The following MCOLN2 variants were observed in gnomAD, a reference collection of about 807,000 sequenced individuals.
The protein encoded by MCOLN2 is mucolipin-2.
A neutral mutation model predicts 67.5 loss-of-function variants in MCOLN2; 57 were observed. The observed-to-expected ratio is 0.84, with a 90% CI of 0.68 to 1.05. MCOLN2 has a LOEUF of 1.05. Among genes scored for constraint, MCOLN2 ranks in the 50% least tolerant of loss-of-function variants. The probability of loss-of-function intolerance (pLI) is 0.00; values close to 1 mark genes in which losing one functional copy is unlikely to be tolerated. For synonymous variants in MCOLN2, 246 were observed against 233.3 expected (o/e 1.05, Z -0.50); for missense variants, 620 against 678.8 (o/e 0.91, Z 0.96).
chr1:84,939,091 G>A (rs914012143), intron 9 of MCOLN2, among the ~76,000 whole-genome samples: 17 of 152,220 alleles, frequency 1.1e-4, no homozygotes, highest in South Asian at 8.3e-4. Context: ...AGAATAGTGC[G>A]GTGAAGGAGG....
intron 2 of MCOLN2, among the ~76,000 whole-genome samples, chr1:84,961,123 T>C (rs1430427524): frequency 6.6e-6 from 1 of 152,148 alleles, no homozygotes; most frequent in African/African-American, 2.4e-5. Flanking sequence ...TTGATACATA[T>C]GCAATCTGAA....
intron 1 of MCOLN2, among the ~76,000 whole-genome samples, chr1:84,987,740 A>C (rs1193671146): frequency 6.7e-6 from 1 of 149,292 alleles, no homozygotes; most frequent in African/African-American, 2.5e-5. Context: ...TCAGCTATAA[A>C]AAGGAACAAA....
chr1:84,930,631 T>A (rs1381773674), intron 12 of MCOLN2, among the ~76,000 whole-genome samples: 4 of 152,144 alleles, frequency 2.6e-5, no homozygotes, highest in Non-Finnish European at 5.9e-5. Context: ...CTTACTTATC[T>A]TCCCACACAC....
chr1:84,964,956 C>T (rs898298385), intron 2 of MCOLN2, among the ~76,000 whole-genome samples: 7 of 152,122 alleles, frequency 4.6e-5, no homozygotes, highest in African/African-American at 1.7e-4. Flanking sequence ...GTCCGTGGCC[C>T]AGGGGTTAGG....
chr1:84,958,321 A>G (rs1648899060), intron 3 of MCOLN2, among the ~76,000 whole-genome samples: 1 of 152,258 alleles, frequency 6.6e-6, no homozygotes, highest in African/African-American at 2.4e-5. Flanking sequence ...TGATAAATTA[A>G]AAAGATAAAT....
intron 4 of MCOLN2, 35 bp downstream of exon 4, chr1:84,956,396 G>A (rs376766858): frequency 1.9e-5 from 30 of 1,594,468 alleles, no homozygotes; most frequent in African/African-American, 9.5e-5. Flanking sequence ...ACCAGAAGAC[G>A]ATAAAGGTAC....
intron 1 of MCOLN2, among the ~76,000 whole-genome samples, chr1:84,973,585 C>A (rs74689037): frequency 6.6e-6 from 1 of 151,896 alleles, no homozygotes; most frequent in Non-Finnish European, 1.5e-5. Flanking sequence ...CATGGTGGTA[C>A]CCCCATTGAT....
At chr1:84,951,340 G>T (rs1029455318) in intron 6 of MCOLN2, among the ~76,000 whole-genome samples, 6 of 152,150 alleles carry the variant, frequency 3.9e-5, no homozygotes, top group African/African-American at 1.4e-4. Flanking sequence ...TAGGCATTCA[G>T]TTTAGTCCCT....
chr1:84,932,031 C>A (rs79491168), intron 11 of MCOLN2, among the ~76,000 whole-genome samples: 1 of 86,532 alleles, frequency 1.2e-5, no homozygotes, highest in Non-Finnish European at 2.4e-5. Context: ...CTCTTTAAAA[C>A]ACACACACAC....
intron 2 of MCOLN2, among the ~76,000 whole-genome samples, chr1:84,962,125 A>G (rs1649119003): frequency 6.6e-6 from 1 of 152,256 alleles, no homozygotes; most frequent in Admixed American, 6.5e-5. Context: ...TCACCCAAAT[A>G]GCAAAATTTG....
chr1:84,969,473 A>G (rs1354665721), intron 1 of MCOLN2, among the ~76,000 whole-genome samples: 38 of 151,656 alleles, frequency 2.5e-4, no homozygotes, highest in Admixed American at 2.5e-3. Context: ...TCGGAGGCTG[A>G]GGCAAGAGAA....
chr1:84,961,210 G>A (rs1226920804), intron 2 of MCOLN2, among the ~76,000 whole-genome samples: 1 of 152,152 alleles, frequency 6.6e-6, no homozygotes, highest in African/African-American at 2.4e-5. Context: ...ATTGATTCTA[G>A]AGTCTGTTTG....
At chr1:84,977,070 AAAC>A (rs1206008451) in intron 1 of MCOLN2, among the ~76,000 whole-genome samples, 2 of 152,222 alleles carry the variant, frequency 1.3e-5, no homozygotes, top group Non-Finnish European at 2.9e-5. Flanking sequence ...AATAAGATAT[AAAC>A]AACAAAAAGT....
At position 84,938,092 on chromosome 1, in the gene MCOLN2, G is replaced by T; in HGVS notation, c.1111-10C>A. On this transcript the variant is annotated splice_polypyrimidine_tract_variant and intron_variant, in intron 9 of 13. Transcript: ENST00000370608. ...CATAGTTTGTGAGATTCTAAGGAAT[G>T]AAAAAAAAGAAAGAGAGAAATGAGT... The T allele has an allele frequency of 1.3e-6, 2 of 1,570,434 alleles. No individual in the cohort carries two copies. The highest frequency in any genetic ancestry group is 2.3e-5 in the South Asian group (2 of 87,272).
At chr1:84,959,405 C>A (rs898166922) in intron 2 of MCOLN2, among the ~76,000 whole-genome samples, 9 of 152,254 alleles carry the variant, frequency 5.9e-5, no homozygotes, top group African/African-American at 2.2e-4. Context: ...TGTATTCTGG[C>A]AGAATTTAGG....
intron 1 of MCOLN2, among the ~76,000 whole-genome samples, chr1:84,973,002 A>T (rs1471968554): frequency 1.3e-5 from 2 of 152,206 alleles, no homozygotes; most frequent in Non-Finnish European, 2.9e-5. Flanking sequence ...CCCCTGCTGC[A>T]GTTGTCTCCA....
chr1:84,976,335 C>T (rs1014729355), intron 1 of MCOLN2, among the ~76,000 whole-genome samples: 4 of 152,144 alleles, frequency 2.6e-5, no homozygotes, highest in African/African-American at 9.7e-5. Context: ...ATACATCTGG[C>T]AGTAGACTTT....
At chr1:84,973,145 T>C (rs1238023802) in intron 1 of MCOLN2, among the ~76,000 whole-genome samples, 7 of 152,156 alleles carry the variant, frequency 4.6e-5, no homozygotes, top group Admixed American at 4.6e-4. Flanking sequence ...ATATATGAAT[T>C]GTTACCTATC....
At position 84,975,144 on chromosome 1, in the gene MCOLN2, T is replaced by C. The variant is rs148257243; in HGVS notation, c.78-9436A>G. Reference sequence around the variant, plus strand: ...CCTGGAGGGAAGAACACAGGCCTGGTTGGCTTTGCCGCCTGCTAACTATAG... The same window carrying C: ...CCTGGAGGGAAGAACACAGGCCTGGCTGGCTTTGCCGCCTGCTAACTATAG... On this transcript the variant is annotated intron_variant, in intron 1 of 13. Transcript: ENST00000370608. 3.4e-3 allele frequency among the ~76,000 whole-genome samples: 517 copies of C among 152,290 alleles called. 1 individual carries two copies. The highest frequency in any genetic ancestry group is 0.012 in the African/African-American group (497 of 41,560).
Sources: allele counts gnomAD v4.1 joint callset (sites outside exome capture counted in the v4.1 genomes callset), GRCh38; gene constraint gnomAD v4.1.1; transcripts MANE v1.5; gene names NCBI Gene and HGNC (gene_info 2026-07-23, HGNC 2026-07-21).